GSE1: variants seen among roughly 807,000 people sequenced by gnomAD.
GSE1 encodes Gse1 coiled-coil protein, also known as genetic suppressor element 1.
A neutral mutation model predicts 112.6 loss-of-function variants in GSE1; 32 were observed. That is an observed-to-expected ratio of 0.28 (90% CI 0.21 to 0.38). GSE1 has a LOEUF of 0.38. GSE1 is among the 10% of genes least tolerant of loss of function. The pLI is 1.00. For missense variants in GSE1, 2,348 were observed against 1,699.2 expected (o/e 1.38, Z -6.71); for synonymous variants, 1,115 against 735.6 (o/e 1.52, Z -8.35).
At chr16:85,234,678 C>T (rs1314389875) in intron 1 of GSE1, among the ~76,000 whole-genome samples, 2 of 152,182 alleles carry the variant, frequency 1.3e-5, no homozygotes, top group African/African-American at 4.8e-5. Flanking sequence ...ATCTCAAAGC[C>T]GCTGGCCTCA....
rs1469935223 is a variant in GSE1, at chr16:85,661,314, C to T, written c.1809C>T (p.His603=). 1.2e-6 allele frequency: 2 copies of T among 1,612,646 alleles called. No individual in the cohort carries two copies. Among genetic ancestry groups the T allele is most frequent in the Admixed American group, 1.7e-5 (1 of 60,006 alleles). ...TGGAGACGCGGCGGGCCGAAAGCCACTCTCTGCACAGCCACCCGGCTGCAT... is the reference window on the plus strand; with the variant it reads ...TGGAGACGCGGCGGGCCGAAAGCCATTCTCTGCACAGCCACCCGGCTGCAT... ...NTLETRRAES[H]SLHSHPAAFE... Residue 603 remains histidine (H), a synonymous_variant, in exon 9 of 16, where the codon CAC becomes CAT. Coordinates refer to ENST00000253458, the MANE Select transcript of GSE1 (RefSeq NM_014615.5).
At chr16:85,370,881 A>C (rs1021434540) in intron 2 of GSE1, among the ~76,000 whole-genome samples, 7 of 152,166 alleles carry the variant, frequency 4.6e-5, no homozygotes, top group Non-Finnish European at 1.0e-4. Flanking sequence ...TGGCTGCCGC[A>C]GCTCCCAGCT....
chr16:85,501,387 CTTTT>C (rs748089415), intron 2 of GSE1, among the ~76,000 whole-genome samples: 6 of 129,510 alleles, frequency 4.6e-5, no homozygotes, highest in African/African-American at 8.5e-5. Context: ...AGGACTTCAC[CTTTT>C]TTTTTTTTTT....
Position 85,637,662 on chromosome 16 carries a change from T to C in GSE1, c.226+3530T>C, listed in dbSNP as rs370406277. Among the ~76,000 whole-genome samples, 6 of 152,286 alleles carry C rather than the reference T, an allele frequency of 3.9e-5. No individual in the cohort carries two copies. In the East Asian group the frequency reaches 9.7e-4, roughly 25 times the overall value. ...GCCTCCGGCTTGCCCGGGTCCCACG[T>C]TGTAAGTGGCATGGGGAATTCCAAT... On this transcript the variant is annotated intron_variant, in intron 2 of 15. Coordinates refer to ENST00000253458, the MANE Select transcript of GSE1 (RefSeq NM_014615.5).
At chr16:85,664,845 G>T in intron 11 of GSE1, 170 bp from the exon 12 acceptor site, 1 of 599,522 alleles carries the variant, frequency 1.7e-6, no homozygotes, top group Middle Eastern at 4.2e-4. Flanking sequence ...ATCTGGGCTC[G>T]CTTTGAGATG....
chr16:85,188,159 C>T (rs973699038), intron 1 of GSE1, among the ~76,000 whole-genome samples: 1 of 152,176 alleles, frequency 6.6e-6, no homozygotes, highest in Non-Finnish European at 1.5e-5. Context: ...TCCCTCAACA[C>T]CCCGTGGGCT....
intron 1 of GSE1, among the ~76,000 whole-genome samples, chr16:85,345,134 G>T (rs762019021): frequency 1.3e-5 from 2 of 151,646 alleles, no homozygotes; most frequent in Non-Finnish European, 2.9e-5. Flanking sequence ...GGGCCTGCGG[G>T]CCAAGTCCAG....
At chr16:85,455,187 ACCCAGGGT>A (rs978604268) in intron 2 of GSE1, among the ~76,000 whole-genome samples, 2 of 152,148 alleles carry the variant, frequency 1.3e-5, no homozygotes, top group African/African-American at 2.4e-5. Context: ...CTCCAAGGTG[ACCCAGGGT>A]CCCTCTTCAC....
chr16:85,229,068 C>A (rs181943621), intron 1 of GSE1, among the ~76,000 whole-genome samples: 1 of 152,360 alleles, frequency 6.6e-6, no homozygotes, highest in Non-Finnish European at 1.5e-5. Context: ...GGAGGAAACA[C>A]ATCCGCTGGG....
chr16:85,417,988 G>C (rs975595827), intron 2 of GSE1, among the ~76,000 whole-genome samples: 2 of 152,194 alleles, frequency 1.3e-5, no homozygotes, highest in African/African-American at 4.8e-5. Flanking sequence ...ACAGGGGTCT[G>C]CCACCATGCC....
upstream of GSE1, chr16:85,613,100 G>T: frequency 2.8e-6 from 2 of 716,686 alleles, no homozygotes; most frequent in South Asian, 6.3e-5. Context: ...GCCCGTCGGT[G>T]CGCGCGCGCG....
chr16:85,357,449 T>C, intron 1 of GSE1: 1 of 1,205,482 alleles, frequency 8.3e-7, no homozygotes, highest in Non-Finnish European at 1.1e-6. Flanking sequence ...TGTGTCCACC[T>C]CTTTTCCTTT....
At position 85,654,971 on chromosome 16, in the gene GSE1, C is replaced by G. The variant is rs752451260; in HGVS notation, c.777C>G (p.Pro259=). The change falls in exon 5 of 16, where the codon CCC becomes CCG. Residue 259 remains proline, a synonymous_variant. Coordinates refer to ENST00000253458, the MANE Select transcript of GSE1 (RefSeq NM_014615.5). ...YYHPSYLAPH[P]FPHPAFRMDD... ...ACCCCAGCTACCTGGCCCCACACCC[C>G]TTCCCCCACCCGGCCTTCAGGTGAG... The G allele has an allele frequency of 1.9e-6, 3 of 1,599,872 alleles. No homozygotes were observed. In the Admixed American group the frequency reaches 5.0e-5, roughly 27 times the overall value.
intron 1 of GSE1, among the ~76,000 whole-genome samples, chr16:85,197,036 T>C (rs952527103): frequency 1.3e-5 from 2 of 152,158 alleles, no homozygotes; most frequent in African/African-American, 4.8e-5. Context: ...GCTTAACTTC[T>C]GCGTTTCCTG....
intron 2 of GSE1, among the ~76,000 whole-genome samples, chr16:85,512,664 G>A (rs1303216080): frequency 6.6e-5 from 10 of 152,108 alleles, no homozygotes; most frequent in African/African-American, 9.7e-5. Context: ...TTACAGGCAC[G>A]TAATAAATTA....
At chr16:85,177,710 G>A (rs1305405185) in intron 1 of GSE1, among the ~76,000 whole-genome samples, 13 of 152,296 alleles carry the variant, frequency 8.5e-5, no homozygotes. Flanking sequence ...GGCTAAGAAC[G>A]GGAGCATGAC....
At chr16:85,642,818 CTT>C (rs1412500202) in intron 2 of GSE1, among the ~76,000 whole-genome samples, 1 of 152,200 alleles carries the variant, frequency 6.6e-6, no homozygotes, top group African/African-American at 2.4e-5. Flanking sequence ...GCTGGGGAGT[CTT>C]TACCTCTCCG....
At chr16:85,445,110 G>A (rs972168348) in intron 2 of GSE1, among the ~76,000 whole-genome samples, 4 of 152,206 alleles carry the variant, frequency 2.6e-5, no homozygotes, top group Non-Finnish European at 5.9e-5. Context: ...AGCCTGAATC[G>A]CTGGTGGCAC....
At chr16:85,621,430 C>T (rs942404058) in intron 1 of GSE1, among the ~76,000 whole-genome samples, 2 of 152,218 alleles carry the variant, frequency 1.3e-5, no homozygotes, top group Non-Finnish European at 2.9e-5. Context: ...TTAAATCAAG[C>T]CGATGTCCTG....
Sources: gnomAD v4.1 joint callset for allele counts (sites outside exome capture counted in the v4.1 genomes callset) on GRCh38, gnomAD v4.1.1 for gene constraint, MANE v1.5 for transcripts, NCBI Gene and HGNC (gene_info 2026-07-23, HGNC 2026-07-21) for gene names.